The following SLC35F4 variants were observed in gnomAD, a reference collection of about 807,000 sequenced individuals.
The protein encoded by SLC35F4 is solute carrier family 35 member F4.
A neutral mutation model predicts 44.2 loss-of-function variants in SLC35F4; 24 were observed. The observed-to-expected ratio is 0.54, with a 90% CI of 0.39 to 0.76. SLC35F4 has a LOEUF of 0.76. Among genes scored for constraint, SLC35F4 ranks in the 30% least tolerant of loss-of-function variants. SLC35F4 has a pLI of 0.00. For synonymous variants in SLC35F4, 238 were observed against 223.6 expected, an observed-to-expected ratio of 1.06 and a Z score of -0.57; for missense variants, 562 against 586.1, an observed-to-expected ratio of 0.96 and a Z score of 0.42.
At chr14:57,896,483 C>T (rs1031087499) in intron 1 of SLC35F4, among the ~76,000 whole-genome samples, 2 of 152,154 alleles carry the variant, frequency 1.3e-5, no homozygotes, top group Non-Finnish European at 2.9e-5. Context: ...CTCTAGGATG[C>T]TAGAAACATT....
intron 1 of SLC35F4, among the ~76,000 whole-genome samples, chr14:57,916,481 G>A (rs987935117): frequency 6.6e-6 from 1 of 152,090 alleles, no homozygotes; most frequent in Non-Finnish European, 1.5e-5. Context: ...TATCCTGCCT[G>A]GTGTTCTCTG....
chr14:57,809,133 C>T (rs973378820), intron 1 of SLC35F4, among the ~76,000 whole-genome samples: 1 of 152,132 alleles, frequency 6.6e-6, no homozygotes, highest in Non-Finnish European at 1.5e-5. Context: ...CAGCAGAAAG[C>T]GAATTACAGT....
chr14:57,567,958 T>A (rs2068285481), intron 6 of SLC35F4, among the ~76,000 whole-genome samples: 1 of 152,254 alleles, frequency 6.6e-6, no homozygotes, highest in East Asian at 1.9e-4. Context: ...AGGGTGCAGA[T>A]TGATGTGTAT....
At chr14:57,577,531 T>A (rs1289804922) in intron 4 of SLC35F4, among the ~76,000 whole-genome samples, 1 of 151,954 alleles carries the variant, frequency 6.6e-6, no homozygotes, top group African/African-American at 2.4e-5. Flanking sequence ...TATAAAAAAA[T>A]AAGAGAGGGA....
At chr14:57,611,585 T>TAAAA (rs10647941) in intron 1 of SLC35F4, among the ~76,000 whole-genome samples, 5 of 127,078 alleles carry the variant, frequency 3.9e-5, no homozygotes, top group African/African-American at 1.1e-4. Context: ...AGAGAAGAGT[T>TAAAA]AAAAAAAAAA....
chr14:57,716,933 A>G (rs56280939), intron 1 of SLC35F4, among the ~76,000 whole-genome samples: 9,027 of 152,142 alleles, frequency 0.059, 605 homozygotes, highest in African/African-American at 0.16. Flanking sequence ...TATGAGATCA[A>G]CTTTTTTAGC....
Position 57,594,081 on chromosome 14 carries a change from G to A in SLC35F4, c.147C>T (p.Asn49=), listed in dbSNP as rs765992533. The part of the protein sequence containing the change: ...SSVTRCKPGA[N]CPSSHSGISR... ...TGATGCCACTGTGTGAACTGGGGCA[G>A]TTGGCTCCTGGTTTACATCTAGTGA... Residue 49 remains asparagine (N), a synonymous_variant, in exon 2 of 8, where the codon AAC becomes AAT. Coordinates refer to ENST00000556826, the MANE Select transcript of SLC35F4 (RefSeq NM_001306087.2). The A allele has an allele frequency of 6.8e-6, 11 of 1,613,780 alleles. No individual in the cohort carries two copies. The highest frequency in any genetic ancestry group is 2.7e-5 in the African/African-American group (2 of 74,924).
intron 1 of SLC35F4, among the ~76,000 whole-genome samples, chr14:57,751,775 G>GA (rs2076889572): frequency 6.6e-6 from 1 of 152,186 alleles, no homozygotes; most frequent in Admixed American, 6.5e-5. Context: ...TGGTCACAAT[G>GA]AAAATATCAC....
At chr14:57,846,213 A>C (rs1278943262) in intron 1 of SLC35F4, among the ~76,000 whole-genome samples, 1 of 152,214 alleles carries the variant, frequency 6.6e-6, no homozygotes, top group African/African-American at 2.4e-5. Flanking sequence ...AAAAGAAGGG[A>C]GTAACATGAT....
chr14:57,719,574 T>C (rs2076030261), intron 1 of SLC35F4, among the ~76,000 whole-genome samples: 1 of 126,006 alleles, frequency 7.9e-6, no homozygotes, highest in Non-Finnish European at 1.7e-5. Context: ...TTAATTCTAT[T>C]TGTGGCTATT....
At chr14:57,979,497 A>T (rs1881315346) in intron 1 of SLC35F4, among the ~76,000 whole-genome samples, 1 of 152,228 alleles carries the variant, frequency 6.6e-6, no homozygotes, top group Non-Finnish European at 1.5e-5. Context: ...CCTTGTCTTG[A>T]GCCACAAAAC....
At position 57,614,436 on chromosome 14, in the gene SLC35F4, T is replaced by C. The variant is rs1741276886; in HGVS notation, c.104-20312A>G. On this transcript the variant is annotated intron_variant, in intron 1 of 7. Transcript: ENST00000556826. ...GACTTCTTCAGTACAGGTAACCCAT[T>C]AGCATCAATCTTTCGTTATCAACAA... 3.3e-5 allele frequency among the ~76,000 whole-genome samples: 5 copies of C among 152,210 alleles called. No individual in the cohort carries two copies. In the South Asian group the frequency reaches 1.0e-3, roughly 32 times the overall value.
intron 1 of SLC35F4, among the ~76,000 whole-genome samples, chr14:57,797,736 A>G (rs1310585223): frequency 6.6e-6 from 1 of 152,176 alleles, no homozygotes. Flanking sequence ...GTAAACTCCA[A>G]ACAAAACATG....
chr14:57,575,303 A>AC (rs1250494964), intron 4 of SLC35F4, among the ~76,000 whole-genome samples: 3 of 151,880 alleles, frequency 2.0e-5, no homozygotes, highest in Non-Finnish European at 4.4e-5. Flanking sequence ...CCATGGCGAG[A>AC]CCCCCATCTC....
At position 57,626,049 on chromosome 14, in the gene SLC35F4, A is replaced by G. The variant is rs1401023411; in HGVS notation, c.104-31925T>C. Among the ~76,000 whole-genome samples the G allele has an allele frequency of 2.0e-5, 3 of 150,366 alleles. No individual in the cohort carries two copies. The Admixed American group carries it at 2.0e-4, about 10-fold the overall frequency. On this transcript the variant is annotated intron_variant, in intron 1 of 7. Coordinates refer to ENST00000556826, the MANE Select transcript of SLC35F4 (RefSeq NM_001306087.2). ...GACATGGATGAAGCTGGAAACCATC[A>G]TTCTCAGCAAACTAACACAAGAACA...
chr14:57,797,848 C>T (rs1381561711), intron 1 of SLC35F4, among the ~76,000 whole-genome samples: 1 of 152,034 alleles, frequency 6.6e-6, no homozygotes, highest in Admixed American at 6.6e-5. Context: ...AAGGTACTTC[C>T]CCATCCCTTA....
At chr14:57,947,891 G>A (rs1890064830) in intron 1 of SLC35F4, among the ~76,000 whole-genome samples, 1 of 152,126 alleles carries the variant, frequency 6.6e-6, no homozygotes, top group Admixed American at 6.5e-5. Flanking sequence ...TGATCATGAT[G>A]TATTATCTTT....
downstream of SLC35F4, among the ~76,000 whole-genome samples, chr14:57,972,382 C>T (rs1881079890): frequency 6.6e-6 from 1 of 151,926 alleles, no homozygotes; most frequent in Non-Finnish European, 1.5e-5. Context: ...GGTGGAGATA[C>T]TGGTGACCTG....
rs562102775 is a variant in SLC35F4, at chr14:57,614,016, C to T, written c.104-19892G>A. Among the ~76,000 whole-genome samples, 5 of 152,330 alleles carry T rather than the reference C, an allele frequency of 3.3e-5. No individual in the cohort carries two copies. In the South Asian group the frequency reaches 8.3e-4, roughly 25 times the overall value. ...ATTTACTGACTGAATTTTACTTAAA[C>T]TCAGGGCATATACCATAGGCAGTTT... On this transcript the variant is annotated intron_variant, in intron 1 of 7. Transcript: ENST00000556826.
Sources: allele counts gnomAD v4.1 joint callset (sites outside exome capture counted in the v4.1 genomes callset), GRCh38; gene constraint gnomAD v4.1.1; transcripts MANE v1.5; gene names NCBI Gene and HGNC (gene_info 2026-07-23, HGNC 2026-07-21).